NRXN1: variants seen among roughly 807,000 people sequenced by gnomAD.
NRXN1 encodes neurexin-1.
NRXN1 carries 39 observed loss-of-function variants against 150.9 expected under a neutral mutation model. That is an observed-to-expected ratio of 0.26 (90% CI 0.20 to 0.34). NRXN1 has a LOEUF of 0.34. Ranked by LOEUF, NRXN1 falls within the 10% of genes least tolerant of loss-of-function variation. The probability of loss-of-function intolerance (pLI) is 1.00; values close to 1 mark genes in which losing one functional copy is unlikely to be tolerated. For missense variants in NRXN1, 1,815 were observed against 1,949.9 expected (o/e 0.93, Z 1.30); for synonymous variants, 924 against 757.0 (o/e 1.22, Z -3.62).
At chr2:49,952,028 A>T (rs1416682317) in intron 21 of NRXN1, among the ~76,000 whole-genome samples, 1 of 152,020 alleles carries the variant, frequency 6.6e-6, no homozygotes, top group East Asian at 1.9e-4. Context: ...GAGATCATTA[A>T]TCTAAGCTCT....
intron 8 of NRXN1, among the ~76,000 whole-genome samples, chr2:50,572,382 A>G (rs574787797): frequency 6.6e-6 from 1 of 152,332 alleles, no homozygotes. Context: ...TTGTTTTTTA[A>G]TGTCTGATCT....
chr2:50,408,837 A>ATCTCTCTCCCTCTCTCTC (rs2082938018), intron 17 of NRXN1, among the ~76,000 whole-genome samples: 2 of 136,534 alleles, frequency 1.5e-5, no homozygotes, highest in Non-Finnish European at 1.6e-5. Context: ...ATCAATCTCA[A>ATCTCTCTCCCTCTCTCTC]TCTCTCTCTC....
chr2:50,662,886 T>C (rs1477987892), intron 5 of NRXN1, among the ~76,000 whole-genome samples: 1 of 151,906 alleles, frequency 6.6e-6, no homozygotes, highest in Non-Finnish European at 1.5e-5. Context: ...GAATAAAACT[T>C]CTCTAGAGAT....
At chr2:50,709,591 G>C (rs1342452740) in intron 5 of NRXN1, among the ~76,000 whole-genome samples, 1 of 152,032 alleles carries the variant, frequency 6.6e-6, no homozygotes, top group South Asian at 2.1e-4. Context: ...CACCAAGAAG[G>C]ATTTGGTTAC....
Position 50,874,671 on chromosome 2 carries a change from A to C in NRXN1, c.832+47198T>G, listed in dbSNP as rs566317067. Among the ~76,000 whole-genome samples, 80 of 151,812 alleles carry C rather than the reference A, an allele frequency of 5.3e-4. No individual in the cohort carries two copies. In the South Asian group the frequency reaches 0.016, roughly 30 times the overall value. ...AAGAGATGGTCTTACTTTTACTTCCAACAGGAGAATTCTTAGTCAAAGAAA... is the reference window on the plus strand; with the variant it reads ...AAGAGATGGTCTTACTTTTACTTCCCACAGGAGAATTCTTAGTCAAAGAAA... On this transcript the variant is annotated intron_variant, in intron 5 of 22. Transcript: ENST00000401669.
chr2:50,663,227 A>G (rs1337343063), intron 5 of NRXN1, among the ~76,000 whole-genome samples: 5 of 152,002 alleles, frequency 3.3e-5, no homozygotes, highest in African/African-American at 1.2e-4. Flanking sequence ...TCTGCCTCCA[A>G]AGAAATTATT....
chr2:50,611,112 A>C (rs1471489290), intron 8 of NRXN1, among the ~76,000 whole-genome samples: 1 of 137,540 alleles, frequency 7.3e-6, no homozygotes, highest in Non-Finnish European at 1.6e-5. Context: ...GCATAAGCAA[A>C]TGGAGCAATT....
At chr2:50,479,394 T>C (rs72829199) in intron 15 of NRXN1, among the ~76,000 whole-genome samples, 47 of 152,320 alleles carry the variant, frequency 3.1e-4, no homozygotes, top group Admixed American at 5.9e-4. Context: ...TGTACCTGTT[T>C]CCTTAGCCAC....
intron 13 of NRXN1, among the ~76,000 whole-genome samples, chr2:50,505,439 C>T (rs965801720): frequency 6.6e-6 from 1 of 152,160 alleles, no homozygotes; most frequent in South Asian, 2.1e-4. Flanking sequence ...TTGCCGTTGG[C>T]AGCTGCCTCT....
chr2:50,631,050 T>G (rs1008468949), intron 5 of NRXN1: 1 of 442,752 alleles, frequency 2.3e-6, no homozygotes, highest in African/African-American at 2.1e-5. Flanking sequence ...ACGAACTGTG[T>G]AACTGAGAAA....
chr2:50,964,134 A>G (rs1446289613), intron 2 of NRXN1: 1 of 292,040 alleles, frequency 3.4e-6, no homozygotes, highest in Non-Finnish European at 6.9e-6. Flanking sequence ...CATCTCAACT[A>G]TTGATACATT....
At chr2:49,958,279 CTCTT>C (rs1413097230) in intron 21 of NRXN1, among the ~76,000 whole-genome samples, 7 of 152,158 alleles carry the variant, frequency 4.6e-5, no homozygotes, top group Admixed American at 3.9e-4. Flanking sequence ...GCCTAATGAC[CTCTT>C]TTTTTGGTCC....
At position 50,125,024 on chromosome 2, in the gene NRXN1, T is replaced by C. The variant is rs112717625; in HGVS notation, c.3547-33530A>G. Among the ~76,000 whole-genome samples the C allele has an allele frequency of 1.2e-4, 18 of 152,280 alleles. 1 individual carries two copies. Among genetic ancestry groups the C allele is most frequent in the African/African-American group, 4.1e-4 (17 of 41,572 alleles). On this transcript the variant is annotated intron_variant, in intron 18 of 22. Transcript: ENST00000401669. ...AACATAGATATGTATGTAAGTAATATGTATACAAACATATACATGTACGTA... is the reference window on the plus strand; with the variant it reads ...AACATAGATATGTATGTAAGTAATACGTATACAAACATATACATGTACGTA...
intron 18 of NRXN1, among the ~76,000 whole-genome samples, chr2:50,188,236 G>C (rs2061214314): frequency 6.6e-6 from 1 of 152,066 alleles, no homozygotes; most frequent in Non-Finnish European, 1.5e-5. Context: ...ACAACCATTT[G>C]ATCTTTGACA....
chr2:50,501,800 A>T (rs2091963573), intron 13 of NRXN1, among the ~76,000 whole-genome samples: 1 of 152,174 alleles, frequency 6.6e-6, no homozygotes, highest in Admixed American at 6.5e-5. Context: ...GGCAAATACT[A>T]TCCTCACGAT....
chr2:50,052,467 G>C (rs1217543718), intron 21 of NRXN1, among the ~76,000 whole-genome samples: 1 of 151,160 alleles, frequency 6.6e-6, no homozygotes, highest in Admixed American at 6.6e-5. Context: ...TTCGAATAAG[G>C]TTTTTTTTTC....
At chr2:50,778,351 A>T (rs1703922694) in intron 5 of NRXN1, among the ~76,000 whole-genome samples, 1 of 152,242 alleles carries the variant, frequency 6.6e-6, no homozygotes, top group Admixed American at 6.5e-5. Flanking sequence ...CAGACATTCA[A>T]ATATAACATA....
intron 18 of NRXN1, among the ~76,000 whole-genome samples, chr2:50,146,951 CA>C (rs1708091842): frequency 6.6e-6 from 1 of 151,726 alleles, no homozygotes; most frequent in South Asian, 2.1e-4. Context: ...ATTACCACTT[CA>C]TGTTGTAAAA....
At chr2:50,160,867 G>A (rs1359122011) in intron 18 of NRXN1, among the ~76,000 whole-genome samples, 2 of 152,096 alleles carry the variant, frequency 1.3e-5, no homozygotes, top group Admixed American at 6.6e-5. Flanking sequence ...ATTATTTCCT[G>A]GGCTTTTAAA....
Sources: allele counts gnomAD v4.1 joint callset (sites outside exome capture counted in the v4.1 genomes callset), GRCh38; gene constraint gnomAD v4.1.1; transcripts MANE v1.5; gene names NCBI Gene and HGNC (gene_info 2026-07-23, HGNC 2026-07-21).